RBPMS: variants seen among roughly 807,000 people sequenced by gnomAD.
RBPMS encodes the protein RNA binding protein, mRNA processing factor, also known as RNA-binding protein with multiple splicing.
Under a neutral mutation model 26.8 loss-of-function variants are expected in RBPMS, and 7 were observed. That is an observed-to-expected ratio of 0.26 (90% CI 0.15 to 0.49). The LOEUF (loss-of-function observed/expected upper bound fraction) is 0.49. RBPMS is among the 20% of genes least tolerant of loss of function. The pLI, the probability that RBPMS is intolerant of heterozygous loss-of-function variation, is 0.98. For synonymous variants in RBPMS, 96 were observed against 93.3 expected, an observed-to-expected ratio of 1.03 and a Z score of -0.17; for missense variants, 186 against 250.0, an observed-to-expected ratio of 0.74 and a Z score of 1.73.
Position 30,480,215 on chromosome 8 carries a change from C to T in RBPMS, c.246+838C>T, listed in dbSNP as rs545785098. ...AGCACTCAGAGTGTTTAGGGTGCTT[C>T]CTACAAGGCAAGCGGCCACTTGACT... On this transcript the variant is annotated intron_variant, in intron 4 of 8. Coordinates refer to ENST00000397323, the MANE Select transcript of RBPMS (RefSeq NM_001008710.3). 1.1e-3 allele frequency among the ~76,000 whole-genome samples: 173 copies of T among 152,228 alleles called. 1 individual carries two copies. Among genetic ancestry groups the T allele is most frequent in the African/African-American group, 4.1e-3 (169 of 41,546 alleles).
In RBPMS at chr8:30,522,389, T is replaced by A. The variant is rs1823150775; in HGVS notation, c.397+17953T>A. ...TGGGTGGAGGGGATCATGCCAGTGATCTCAACATTTGGAGACGCCAAGGTG... is the reference window on the plus strand; with the variant it reads ...TGGGTGGAGGGGATCATGCCAGTGAACTCAACATTTGGAGACGCCAAGGTG... On this transcript the variant is annotated intron_variant, in intron 5 of 8. Coordinates refer to ENST00000397323, the MANE Select transcript of RBPMS (RefSeq NM_001008710.3). Among the ~76,000 whole-genome samples, 3 of 151,914 alleles carry A rather than the reference T, an allele frequency of 2.0e-5. No individual in the cohort carries two copies. In the South Asian group the frequency reaches 6.2e-4, roughly 32 times the overall value.
At chr8:30,511,660 T>TAC (rs1199446623) in intron 5 of RBPMS, among the ~76,000 whole-genome samples, 8 of 150,528 alleles carry the variant, frequency 5.3e-5, no homozygotes, top group African/African-American at 2.0e-4. Context: ...CATATATATA[T>TAC]ACACACAAAA....
intron 2 of RBPMS, 110 bp downstream of exon 2, chr8:30,474,966 T>A: frequency 1.4e-6 from 1 of 734,754 alleles, no homozygotes. Flanking sequence ...CAGATGTTTT[T>A]AAAAGGTTAA....
chr8:30,487,729 A>G (rs1818940031), intron 4 of RBPMS, among the ~76,000 whole-genome samples: 1 of 152,102 alleles, frequency 6.6e-6, no homozygotes, highest in Non-Finnish European at 1.5e-5. Context: ...AATAAATGAA[A>G]CCAAATTTTA....
chr8:30,500,561 C>T (rs1820455779), intron 4 of RBPMS, among the ~76,000 whole-genome samples: 1 of 152,134 alleles, frequency 6.6e-6, no homozygotes, highest in Non-Finnish European at 1.5e-5. Context: ...TATTGTACCA[C>T]ATAACCAAGA....
chr8:30,508,056 G>C (rs1477376025), intron 5 of RBPMS, among the ~76,000 whole-genome samples: 1 of 152,144 alleles, frequency 6.6e-6, no homozygotes, highest in Admixed American at 6.5e-5. Flanking sequence ...TTGGAGATAA[G>C]ATTTTTAAAG....
chr8:30,385,086 C>G lies in RBPMS; in HGVS notation c.-7C>G. On this transcript the variant is annotated 5_prime_UTR_variant, in exon 1 of 9. Coordinates refer to ENST00000397323, the MANE Select transcript of RBPMS (RefSeq NM_001008710.3). ...CCTGCCCGGCCCGGCGAGGAAGGAC[C>G]GGGAAGATGAACAACGGCGGCAAAG... 2.0e-6 allele frequency: 3 copies of G among 1,517,480 alleles called. No homozygotes were observed. The highest frequency in any genetic ancestry group is 1.8e-6 in the Non-Finnish European group (2 of 1,133,272). 94.0% of individuals were successfully genotyped at this position (1,517,480 alleles called of 1,614,324 possible).
chr8:30,386,400 TAGG>T (rs1807089520), intron 1 of RBPMS, among the ~76,000 whole-genome samples: 1 of 152,170 alleles, frequency 6.6e-6, no homozygotes, highest in Non-Finnish European at 1.5e-5. Flanking sequence ...GCAAAATAAA[TAGG>T]AGATTTTACT....
At chr8:30,484,382 T>C (rs895391223) in intron 4 of RBPMS, among the ~76,000 whole-genome samples, 1 of 152,184 alleles carries the variant, frequency 6.6e-6, no homozygotes, top group African/African-American at 2.4e-5. Flanking sequence ...GTAATGGAAC[T>C]GCGTTTGTTT....
intron 6 of RBPMS, chr8:30,555,775 A>C (rs1826825699): frequency 1.8e-6 from 1 of 563,784 alleles, no homozygotes; most frequent in African/African-American, 2.0e-5. Flanking sequence ...GAAGAATTGT[A>C]AAGCAGCCCT....
intron 1 of RBPMS, among the ~76,000 whole-genome samples, chr8:30,408,374 C>G (rs919911242): frequency 6.6e-6 from 1 of 152,116 alleles, no homozygotes; most frequent in South Asian, 2.1e-4. Flanking sequence ...ACTAAAAGTA[C>G]AAAAATCAGC....
chr8:30,393,938 T>C (rs761192671), intron 1 of RBPMS, among the ~76,000 whole-genome samples: 4 of 123,754 alleles, frequency 3.2e-5, no homozygotes, highest in Non-Finnish European at 6.6e-5. Context: ...TGTATTTCTC[T>C]TAGGTTTTAA....
chr8:30,528,140 G>A (rs150385387), intron 5 of RBPMS, among the ~76,000 whole-genome samples: 126 of 151,152 alleles, frequency 8.3e-4, no homozygotes, highest in African/African-American at 2.8e-3. Context: ...GCGCCATTGC[G>A]CTCCAGCCTG....
intron 5 of RBPMS, among the ~76,000 whole-genome samples, chr8:30,536,071 A>G (rs1824759555): frequency 6.6e-6 from 1 of 152,158 alleles, no homozygotes; most frequent in African/African-American, 2.4e-5. Context: ...CAGTAAGCAC[A>G]ACAGACACAG....
intron 5 of RBPMS, among the ~76,000 whole-genome samples, chr8:30,506,555 G>A (rs1175811033): frequency 6.6e-6 from 1 of 152,008 alleles, no homozygotes; most frequent in African/African-American, 2.4e-5. Flanking sequence ...GGAAGCATAC[G>A]GCAAGACTAA....
chr8:30,441,721 A>T (rs1334083816), intron 1 of RBPMS, among the ~76,000 whole-genome samples: 1 of 152,214 alleles, frequency 6.6e-6, no homozygotes, highest in East Asian at 1.9e-4. Flanking sequence ...CCAAAAAATT[A>T]AAAAGGGGTA....
chr8:30,452,557 GC>G (rs1217380045), intron 1 of RBPMS, among the ~76,000 whole-genome samples: 1 of 152,148 alleles, frequency 6.6e-6, no homozygotes, highest in Non-Finnish European at 1.5e-5. Context: ...TAAAAATACT[GC>G]TAGTGAGTGC....
chr8:30,435,047 A>G (rs1812313224), intron 1 of RBPMS, among the ~76,000 whole-genome samples: 1 of 151,528 alleles, frequency 6.6e-6, no homozygotes, highest in Admixed American at 6.6e-5. Flanking sequence ...CATCCGATCC[A>G]AATGCTTACA....
chr8:30,532,287 A>G (rs1160560475), intron 5 of RBPMS, among the ~76,000 whole-genome samples: 1 of 152,194 alleles, frequency 6.6e-6, no homozygotes, highest in Non-Finnish European at 1.5e-5. Context: ...TAATGACCCC[A>G]GATCATCTGA....
Sources: gnomAD v4.1 joint callset for allele counts (sites outside exome capture counted in the v4.1 genomes callset) on GRCh38, gnomAD v4.1.1 for gene constraint, MANE v1.5 for transcripts, NCBI Gene and HGNC (gene_info 2026-07-23, HGNC 2026-07-21) for gene names.